The following LINGO2 variants were observed in gnomAD, a reference collection of about 807,000 sequenced individuals.
LINGO2 encodes leucine rich repeat and Ig domain containing 2, also known as leucine-rich repeat and immunoglobulin-like domain-containing nogo receptor-interacting protein 2.
A neutral mutation model predicts 30.6 loss-of-function variants in LINGO2; 14 were observed. That is an observed-to-expected ratio of 0.46 (90% CI 0.30 to 0.72). The LOEUF is 0.72. LINGO2 is among the 30% of genes least tolerant of loss of function. The pLI is 0.07. For missense variants in LINGO2, 729 were observed against 751.7 expected, an observed-to-expected ratio of 0.97 and a Z score of 0.35; for synonymous variants, 317 against 288.5, an observed-to-expected ratio of 1.10 and a Z score of -1.00.
At chr9:28,322,812 C>T (rs1216896990) in intron 3 of LINGO2, among the ~76,000 whole-genome samples, 1 of 152,102 alleles carries the variant, frequency 6.6e-6, no homozygotes, top group Non-Finnish European at 1.5e-5. Context: ...TATTCAAAGA[C>T]ACAATGTTTA....
chr9:28,455,856 T>C (rs1824824933), intron 2 of LINGO2, among the ~76,000 whole-genome samples: 1 of 152,110 alleles, frequency 6.6e-6, no homozygotes. Context: ...GTTCTTCACC[T>C]ACACCATGGC....
At chr9:28,828,107 A>G in the LINGO2 span, among the ~76,000 whole-genome samples, 1 of 151,800 alleles carries the variant, frequency 6.6e-6, no homozygotes, top group South Asian at 2.1e-4. Context: ...AATATATTAA[A>G]TATATATACA....
At chr9:29,161,710 C>G in the LINGO2 span, among the ~76,000 whole-genome samples, 1 of 152,126 alleles carries the variant, frequency 6.6e-6, no homozygotes, top group Non-Finnish European at 1.5e-5. Flanking sequence ...TTTAAAACCA[C>G]TCCCTTATGG....
At chr9:28,961,489 T>C in the LINGO2 span, among the ~76,000 whole-genome samples, 1 of 152,174 alleles carries the variant, frequency 6.6e-6, no homozygotes, top group African/African-American at 2.4e-5. Context: ...TCCTTTCCTT[T>C]TGGGCTCAGG....
At chr9:29,149,465 C>T in the LINGO2 span, among the ~76,000 whole-genome samples, 1 of 151,848 alleles carries the variant, frequency 6.6e-6, no homozygotes, top group Non-Finnish European at 1.5e-5. Context: ...TGATAGAGAA[C>T]AGATATTTGG....
chr9:28,833,677 C>T, the LINGO2 span, among the ~76,000 whole-genome samples: 9 of 152,136 alleles, frequency 5.9e-5, no homozygotes, highest in East Asian at 3.9e-4. Flanking sequence ...GTTATTTTTT[C>T]GCAGTTTTCT....
At chr9:28,967,705 A>T in the LINGO2 span, among the ~76,000 whole-genome samples, 1 of 152,214 alleles carries the variant, frequency 6.6e-6, no homozygotes, top group Admixed American at 6.5e-5. Context: ...ATAATTCATC[A>T]ACATAGTCTT....
chr9:28,943,767 G>C, the LINGO2 span, among the ~76,000 whole-genome samples: 1 of 152,304 alleles, frequency 6.6e-6, no homozygotes, highest in Non-Finnish European at 1.5e-5. Context: ...GGAGAAGGTG[G>C]TGAGAAGAAT....
intron 1 of LINGO2, among the ~76,000 whole-genome samples, chr9:28,633,976 C>T (rs375126112): frequency 6.6e-6 from 1 of 152,124 alleles, no homozygotes; most frequent in South Asian, 2.1e-4. Flanking sequence ...GTGAGTAGGT[C>T]TCCTACCTTT....
the LINGO2 span, among the ~76,000 whole-genome samples, chr9:28,911,441 A>G: frequency 2.6e-5 from 4 of 152,144 alleles, no homozygotes; most frequent in Middle Eastern, 3.4e-3. Context: ...AATCTGAACC[A>G]TATTCATATC....
chr9:28,210,534 C>G (rs969623564), intron 4 of LINGO2, among the ~76,000 whole-genome samples: 3 of 151,604 alleles, frequency 2.0e-5, no homozygotes, highest in Non-Finnish European at 4.4e-5. Context: ...TGTGCCATTA[C>G]AATTAACAGC....
At chr9:28,714,188 T>TATATATATATATATATATATATATAA in the LINGO2 span, among the ~76,000 whole-genome samples, 1 of 73,366 alleles carries the variant, frequency 1.4e-5, no homozygotes, top group Non-Finnish European at 2.5e-5. Flanking sequence ...TATATATATA[T>TATATATATATATATATATATATATAA]ACACACATAC....
At chr9:28,712,850 A>AT in the LINGO2 span, among the ~76,000 whole-genome samples, 5 of 151,810 alleles carry the variant, frequency 3.3e-5, no homozygotes, top group Admixed American at 2.6e-4. Flanking sequence ...TCAATTCCTA[A>AT]TTTTTTTTAA....
intron 3 of LINGO2, among the ~76,000 whole-genome samples, chr9:28,342,794 T>C (rs1214151912): frequency 6.6e-6 from 1 of 152,106 alleles, no homozygotes; most frequent in Non-Finnish European, 1.5e-5. Flanking sequence ...ATACTCTTTT[T>C]TCTCCTTTAG....
chr9:29,170,375 C>G, the LINGO2 span, among the ~76,000 whole-genome samples: 1 of 152,074 alleles, frequency 6.6e-6, no homozygotes, highest in East Asian at 1.9e-4. Flanking sequence ...CAGGTTCTCA[C>G]TTATATGAGG....
At chr9:28,631,004 G>A (rs1826911588) in intron 1 of LINGO2, among the ~76,000 whole-genome samples, 1 of 151,502 alleles carries the variant, frequency 6.6e-6, no homozygotes, top group Non-Finnish European at 1.5e-5. Context: ...GGAGAAAACT[G>A]GGCAAGATTA....
intron 1 of LINGO2, among the ~76,000 whole-genome samples, chr9:28,483,639 T>C (rs1174252014): frequency 6.6e-6 from 1 of 152,038 alleles, no homozygotes; most frequent in Non-Finnish European, 1.5e-5. Context: ...TACTTTCTAT[T>C]GTAATCAAAG....
chr9:29,017,800 A>G, the LINGO2 span, among the ~76,000 whole-genome samples: 1 of 151,962 alleles, frequency 6.6e-6, no homozygotes, highest in Non-Finnish European at 1.5e-5. Flanking sequence ...AAATGGGAGA[A>G]TCACCTGGCA....
chr9:29,114,307 G>A, the LINGO2 span, among the ~76,000 whole-genome samples: 5 of 151,008 alleles, frequency 3.3e-5, no homozygotes, highest in Non-Finnish European at 7.4e-5. Context: ...GCATTTTTTC[G>A]ATTACCGCAT....
Sources: gnomAD v4.1 joint callset for allele counts (sites outside exome capture counted in the v4.1 genomes callset) on GRCh38, gnomAD v4.1.1 for gene constraint, MANE v1.5 for transcripts, NCBI Gene and HGNC (gene_info 2026-07-23, HGNC 2026-07-21) for gene names.